EPGN: variants seen among roughly 807,000 people sequenced by gnomAD.
The protein encoded by EPGN is epithelial mitogen, also known as epigen.
A neutral mutation model predicts 20.7 loss-of-function variants in EPGN; 21 were observed. The ratio of observed to expected loss-of-function variants is 1.01; its 90% CI spans 0.72 to 1.46. The LOEUF (loss-of-function observed/expected upper bound fraction) is 1.46, where lower values mean the gene tolerates loss of function less well. EPGN is among the 40% of genes most tolerant of loss of function. EPGN has a pLI of 0.00. For missense variants in EPGN, 199 were observed against 180.7 expected (o/e 1.10, Z -0.58); for synonymous variants, 69 against 63.8 (o/e 1.08, Z -0.39).
At position 74,315,717 on chromosome 4, in the gene EPGN, C is replaced by T. The variant is rs192589942; in HGVS notation, c.*1080C>T. 3.4e-3 allele frequency among the ~76,000 whole-genome samples: 519 copies of T among 151,946 alleles called. 4 individuals carry two copies. The highest frequency in any genetic ancestry group is 0.012 in the African/African-American group (495 of 41,446). ...CTGTAATCCTAGCACTTTGGGAGGC[C>T]GAGGCGGATGGAGCACCTGAGGTCA... On this transcript the variant is annotated 3_prime_UTR_variant, in exon 5 of 5. Transcript: ENST00000413830.
Position 74,312,224 on chromosome 4 carries a change from A to T in EPGN, c.173A>T (p.His58Leu). 1 of 1,613,136 alleles carries T rather than the reference A, an allele frequency of 6.2e-7. No individual in the cohort carries two copies. The highest frequency in any genetic ancestry group is 8.5e-7 in the Non-Finnish European group (1 of 1,179,498). The part of the protein sequence containing the change: ...IEGPIALKFS[H>L]LCLEDHNSYC... Reference sequence around the variant, plus strand: ...GGACCCATAGCCTTGAAGTTCTCACACCTTTGCCTGGAAGATCATAACAGT... The same window carrying T: ...GGACCCATAGCCTTGAAGTTCTCACTCCTTTGCCTGGAAGATCATAACAGT... The change falls in exon 3 of 5, where the codon CAC (histidine) becomes CTC (leucine). Residue 58 changes from histidine (H) to leucine (L), a missense_variant. By Grantham distance (99) the His-to-Leu change is moderately conservative. Coordinates refer to ENST00000413830, the MANE Select transcript of EPGN (RefSeq NM_001270989.2).
intron 3 of EPGN, 102 bp downstream of exon 3, chr4:74,312,407 AG>A (rs949731150): frequency 3.5e-5 from 47 of 1,354,366 alleles, no homozygotes; most frequent in Non-Finnish European, 4.2e-5. Context: ...TTAGTTTAAA[AG>A]GGTGCATAAT....
intron 4 of EPGN, chr4:74,314,009 G>A: frequency 2.4e-6 from 1 of 411,034 alleles, no homozygotes; most frequent in South Asian, 1.8e-5. Flanking sequence ...GGAGGAGGAG[G>A]TAAGACTTTT....
intron 2 of EPGN, 41 bp downstream of exon 2, chr4:74,309,223 A>T: frequency 6.4e-7 from 1 of 1,564,650 alleles, no homozygotes; most frequent in Non-Finnish European, 8.8e-7. Context: ...GACTTTTCTA[A>T]AACTTGGGAG....
intron 2 of EPGN, 130 bp downstream of exon 2, chr4:74,309,312 A>G: frequency 1.6e-6 from 1 of 625,112 alleles, no homozygotes. Flanking sequence ...CTCTTTTAGC[A>G]GGATGCTGTT....
In EPGN at chr4:74,315,451, GA is replaced by G. The variant is rs1228105813; in HGVS notation, c.*815del. 6.6e-6 allele frequency: 1 copy of G among 152,090 alleles called. No homozygotes were observed. The highest frequency in any genetic ancestry group is 1.5e-5 in the Non-Finnish European group (1 of 68,020). The allele number at this position is 152,090 out of a possible 1,614,324, so 9.4% of individuals were successfully genotyped here. On this transcript the variant is annotated 3_prime_UTR_variant, in exon 5 of 5. Transcript: ENST00000413830. ...CCAGTTATCAGTGGAATTACCTGGT[GA>G]CCATTCATTTGGACCGAAATCCTGG...
chr4:74,311,057 T>G (rs951041871), intron 2 of EPGN, among the ~76,000 whole-genome samples: 3 of 152,156 alleles, frequency 2.0e-5, no homozygotes, highest in African/African-American at 7.2e-5. Context: ...GTTTTTTATC[T>G]AACTTAAAAA....
rs759979106 is a variant in EPGN, at chr4:74,313,154, T to G, written c.391T>G (p.Cys131Gly). The part of the protein sequence containing the change: ...LLSGFLVIFY[C>G]YIRKRCLKLK... ...AAGTGGTTTTCTTGTTATTTTTTAC[T>G]GCTATATAAGAAAGAGGTATGAAAA... Residue 131 changes from cysteine (C) to glycine (G), a missense_variant, in exon 4 of 5, where the codon TGC (cysteine) becomes GGC (glycine). By Grantham distance (159) the Cys-to-Gly change is radical (BLOSUM62 -3). Transcript: ENST00000413830. 11 of 1,611,004 alleles carry G rather than the reference T, an allele frequency of 6.8e-6. No homozygotes were observed. Among genetic ancestry groups the G allele is most frequent in the Admixed American group, 3.4e-5 (2 of 59,362 alleles).
intron 2 of EPGN, among the ~76,000 whole-genome samples, chr4:74,310,775 G>C (rs1285678393): frequency 6.6e-6 from 1 of 152,060 alleles, no homozygotes; most frequent in African/African-American, 2.4e-5. Context: ...ATAACCTATA[G>C]ACACACACCC....
Position 74,314,841 on chromosome 4 carries a change from A to G in EPGN, c.*204A>G, listed in dbSNP as rs1299877551. The G allele has an allele frequency of 3.5e-6, 2 of 572,202 alleles. No individual in the cohort carries two copies. Among genetic ancestry groups the G allele is most frequent in the African/African-American group, 3.8e-5 (2 of 52,830 alleles). 35.4% of individuals were successfully genotyped at this position (572,202 alleles called of 1,614,324 possible). On this transcript the variant is annotated 3_prime_UTR_variant, in exon 5 of 5. Transcript: ENST00000413830. ...AAGGAGTGATGGAAGCCAAGTGAACAAGCCTCAGTGACACAAGTCAAATTC... is the reference window on the plus strand; with the variant it reads ...AAGGAGTGATGGAAGCCAAGTGAACGAGCCTCAGTGACACAAGTCAAATTC...
rs1000195043 is a variant in EPGN, at chr4:74,315,602, A to G, written c.*965A>G. On this transcript the variant is annotated 3_prime_UTR_variant, in exon 5 of 5. Transcript: ENST00000413830. ...CTTTATCATTTTTGAACACTTGTTA[A>G]CAGATTTGCACATAGAGGGAGAGAA... Among the ~76,000 whole-genome samples, 3 of 152,182 alleles carry G rather than the reference A, an allele frequency of 2.0e-5. No individual in the cohort carries two copies. Among genetic ancestry groups the G allele is most frequent in the African/African-American group, 7.2e-5 (3 of 41,448 alleles).
intron 2 of EPGN, among the ~76,000 whole-genome samples, chr4:74,309,713 A>G (rs1338189657): frequency 6.6e-6 from 1 of 152,154 alleles, no homozygotes; most frequent in Non-Finnish European, 1.5e-5. Flanking sequence ...TGGTAATGAT[A>G]TATTTTCTTT....
chr4:74,308,645 G>T, intron 1 of EPGN, 69 bp downstream of exon 1: 2 of 1,335,170 alleles, frequency 1.5e-6, no homozygotes, highest in South Asian at 1.4e-5. Flanking sequence ...TATTTTCTCT[G>T]CATTAGAGAG....
chr4:74,310,048 A>G (rs1366846376), intron 2 of EPGN, among the ~76,000 whole-genome samples: 6 of 152,176 alleles, frequency 3.9e-5, no homozygotes, highest in African/African-American at 1.4e-4. Context: ...GATTTTTTGA[A>G]TATCTGTTGA....
intron 2 of EPGN, among the ~76,000 whole-genome samples, chr4:74,311,348 A>G (rs1196184850): frequency 3.3e-5 from 5 of 152,172 alleles, no homozygotes; most frequent in Non-Finnish European, 5.9e-5. Context: ...GAATTAGAAG[A>G]TAATGTGTGT....
chr4:74,311,629 A>G (rs1461623199), intron 2 of EPGN, among the ~76,000 whole-genome samples: 1 of 152,184 alleles, frequency 6.6e-6, no homozygotes, highest in African/African-American at 2.4e-5. Context: ...AAAGGACTCA[A>G]TTAGGCAATT....
chr4:74,308,690 G>A (rs1750692989), intron 1 of EPGN, 114 bp downstream of exon 1: 3 of 828,236 alleles, frequency 3.6e-6, no homozygotes, highest in Non-Finnish European at 3.8e-6. Context: ...TTATGACAAA[G>A]ATCAGAGTAA....
chr4:74,316,725 A>T lies in EPGN; in HGVS notation c.*2088A>T, dbSNP rs1398891401. Among the ~76,000 whole-genome samples, 2 of 152,184 alleles carry T rather than the reference A, an allele frequency of 1.3e-5. No individual in the cohort carries two copies. The highest frequency in any genetic ancestry group is 3.8e-4 in the East Asian group (2 of 5,198). ...AAGATGTAAAAGAGCTGGGGAGAGT[A>T]TGGGAAGAAACAATACAGGATTGCC... On this transcript the variant is annotated 3_prime_UTR_variant, in exon 5 of 5. Transcript: ENST00000413830.
intron 2 of EPGN, among the ~76,000 whole-genome samples, chr4:74,309,489 A>G (rs1750751882): frequency 6.6e-6 from 1 of 152,162 alleles, no homozygotes; most frequent in African/African-American, 2.4e-5. Flanking sequence ...GTGTACAGAG[A>G]CAGTTTGTCC....
Sources: gnomAD v4.1 joint callset for allele counts (sites outside exome capture counted in the v4.1 genomes callset) on GRCh38, gnomAD v4.1.1 for gene constraint, MANE v1.5 for transcripts, NCBI Gene and HGNC (gene_info 2026-07-23, HGNC 2026-07-21) for gene names.